ITIH6: variants seen among roughly 807,000 people sequenced by gnomAD.
The protein encoded by ITIH6 is inter-alpha-trypsin inhibitor heavy chain family member 6, also known as inter-alpha-trypsin inhibitor heavy chain H6.
In ITIH6, 60 loss-of-function variants were observed where a neutral mutation model predicts 58.2. The observed-to-expected ratio is 1.03, with a 90% CI of 0.84 to 1.28. ITIH6 has a LOEUF of 1.28. Ranked by LOEUF, ITIH6 falls within the 50% of genes most tolerant of loss-of-function variation. ITIH6 has a pLI of 0.00. For missense variants in ITIH6, 1,290 were observed against 1,021.1 expected, an observed-to-expected ratio of 1.26 and a Z score of -3.59; for synonymous variants, 493 against 417.4, an observed-to-expected ratio of 1.18 and a Z score of -2.21.
intron 5 of ITIH6, among the ~76,000 whole-genome samples, chrX:54,785,758 A>G (rs1199424200): frequency 8.9e-6 from 1 of 111,771 alleles, no homozygotes; most frequent in African/African-American, 3.3e-5. Context: ...ATGCTGGTGC[A>G]GCTCAGTGGA....
Position 54,764,629 on chromosome X carries a change from T to C in ITIH6, c.904-4702A>G, listed in dbSNP as rs1408995841. ...GCTGCATAGTATTCCATGGTGTATA[T>C]GTGCCACATTTTCTTAATCCAGTCT... On this transcript the variant is annotated intron_variant, in intron 6 of 12. Coordinates refer to ENST00000218436, the MANE Select transcript of ITIH6 (RefSeq NM_198510.3). Among the ~76,000 whole-genome samples, 527 of 100,198 alleles carry C rather than the reference T, an allele frequency of 5.3e-3. 1 individual carries two copies. Among genetic ancestry groups the C allele is most frequent in the Middle Eastern group, 9.8e-3 (2 of 205 alleles). The allele number at this position is 100,198 out of a possible 115,157, so 87.0% of individuals were successfully genotyped here.
chrX:54,767,986 T>C (rs200878209), intron 6 of ITIH6, among the ~76,000 whole-genome samples: 1 of 100,164 alleles, frequency 1.0e-5, no homozygotes, highest in Non-Finnish European at 1.9e-5. Context: ...ATGTTGACAG[T>C]GGGGTGTTAA....
intron 11 of ITIH6, among the ~76,000 whole-genome samples, chrX:54,752,006 C>T (rs1219473109): frequency 9.0e-6 from 1 of 110,951 alleles, no homozygotes; most frequent in Non-Finnish European, 1.9e-5. Flanking sequence ...CTTGTATGCC[C>T]GAGTGTGTTG....
At chrX:54,778,726 G>A (rs1257268620) in intron 5 of ITIH6, among the ~76,000 whole-genome samples, 1 of 111,220 alleles carries the variant, frequency 9.0e-6, no homozygotes, top group Admixed American at 9.6e-5. Context: ...TATTCAGAGG[G>A]ATAATAACAG....
rs752854679 is a variant in ITIH6, at chrX:54,775,030, A to G, written c.787-833T>C. ...CTCTCTGACCATTAGGCTGTACACT[A>G]CCTCTTCCCTCTGAAGAGGAAAGAG... On this transcript the variant is annotated intron_variant, in intron 5 of 12. Coordinates refer to ENST00000218436, the MANE Select transcript of ITIH6 (RefSeq NM_198510.3). 5.4e-5 allele frequency among the ~76,000 whole-genome samples: 6 copies of G among 110,978 alleles called. No individual in the cohort carries two copies. The South Asian group carries it at 2.3e-3, about 42-fold the overall frequency.
chrX:54,759,701 G>A (rs1928593932), intron 7 of ITIH6, 55 bp downstream of exon 7: 3 of 1,034,919 alleles, frequency 2.9e-6, no homozygotes, highest in Admixed American at 5.6e-5. Flanking sequence ...AGGGTTTCAG[G>A]AATTTCCCAT....
At chrX:54,754,460 G>A (rs1398152648) in intron 9 of ITIH6, among the ~76,000 whole-genome samples, 4 of 111,922 alleles carry the variant, frequency 3.6e-5, no homozygotes, top group Non-Finnish European at 3.8e-5. Context: ...ACCTAATCAC[G>A]TAAGCCCTTA....
chrX:54,749,814 G>A lies in ITIH6; in HGVS notation c.*81C>T. 1.2e-6 allele frequency: 1 copy of A among 810,948 alleles called. No homozygotes were observed. The highest frequency in any genetic ancestry group is 3.3e-5 in the East Asian group (1 of 30,133). The allele number at this position is 810,948 out of a possible 1,213,427, so 66.8% of individuals were successfully genotyped here. ...CCTGTGTGTGCTTCCATGTCCTTGG[G>A]TCTCTGTCCCTGGCTCACCCCATGC... is the stretch of plus-strand genomic sequence containing the variant. On this transcript the variant is annotated 3_prime_UTR_variant, in exon 13 of 13. Coordinates refer to ENST00000218436, the MANE Select transcript of ITIH6 (RefSeq NM_198510.3).
At chrX:54,775,285 G>C (rs1188823717) in intron 5 of ITIH6, among the ~76,000 whole-genome samples, 1 of 111,383 alleles carries the variant, frequency 9.0e-6, no homozygotes, top group Non-Finnish European at 1.9e-5. Context: ...ATCTTTCCCC[G>C]ATCCCATGCC....
At chrX:54,770,886 G>T (rs1401935659) in intron 6 of ITIH6, among the ~76,000 whole-genome samples, 1 of 111,495 alleles carries the variant, frequency 9.0e-6, no homozygotes, top group Non-Finnish European at 1.9e-5. Context: ...TGCAAAGCAG[G>T]TTTATTGGTG....
intron 2 of ITIH6, among the ~76,000 whole-genome samples, chrX:54,795,552 T>C (rs1193426775): frequency 2.7e-5 from 3 of 111,860 alleles, no homozygotes; most frequent in African/African-American, 6.5e-5. Flanking sequence ...CTCACTCTTC[T>C]ACCACTCTTC....
chrX:54,749,500 A>G lies in ITIH6; in HGVS notation c.*395T>C, dbSNP rs1928306577. 1 of 135,623 alleles carries G rather than the reference A, an allele frequency of 7.4e-6. No individual in the cohort carries two copies. The highest frequency in any genetic ancestry group is 1.5e-5 in the Non-Finnish European group (1 of 68,944). The allele number at this position is 135,623 out of a possible 1,213,427, so 11.2% of individuals were successfully genotyped here. On this transcript the variant is annotated 3_prime_UTR_variant, in exon 13 of 13. Transcript: ENST00000218436. ...GAGTGTTTCATGCAGAAGGAAAAGC[A>G]CATGCAATGGTCCAGTGGTAGGAGT...
chrX:54,796,969 T>G lies in ITIH6; in HGVS notation c.230A>C (p.His77Pro). Residue 77 changes from histidine (H) to proline (P), a missense_variant, in exon 2 of 13, where the codon CAT (histidine) becomes CCT (proline). Transcript: ENST00000218436. ...HEAIFDLDLP[H>P]LAFISNFTMT... is the part of the protein sequence containing the mutation. ...AGTGAAATTGGAGATAAAGGCAAGA[T>G]GAGGCAGATCCAGGTCAAAGATGGC... The G allele has an allele frequency of 2.5e-6, 3 of 1,211,435 alleles. No individual in the cohort carries two copies. The highest frequency in any genetic ancestry group is 2.2e-6 in the Non-Finnish European group (2 of 895,153).
intron 6 of ITIH6, among the ~76,000 whole-genome samples, chrX:54,766,341 C>T (rs1328907636): frequency 5.8e-5 from 5 of 85,975 alleles, no homozygotes; most frequent in Non-Finnish European, 1.1e-4. Context: ...CAAACAGGGA[C>T]AATTTGACTT....
intron 6 of ITIH6, among the ~76,000 whole-genome samples, chrX:54,766,318 A>G (rs1272706246): frequency 2.2e-5 from 2 of 91,384 alleles, no homozygotes; most frequent in Non-Finnish European, 2.1e-5. Flanking sequence ...TAGATAAACA[A>G]TCATGTCGTC....
At chrX:54,795,859 T>C (rs191698746) in intron 2 of ITIH6, among the ~76,000 whole-genome samples, 147 of 111,300 alleles carry the variant, frequency 1.3e-3, no homozygotes, top group Non-Finnish European at 2.1e-3. Flanking sequence ...AGTAATCTGC[T>C]CACTGCTCCC....
chrX:54,750,824 C>T (rs1443055722), intron 12 of ITIH6, among the ~76,000 whole-genome samples, 179 bp downstream of exon 12: 5 of 112,106 alleles, frequency 4.5e-5, no homozygotes, highest in African/African-American at 1.6e-4. Flanking sequence ...CAGCAATGAT[C>T]CCCTCCTGTG....
chrX:54,789,132 T>A (rs1929298619), intron 4 of ITIH6, among the ~76,000 whole-genome samples: 1 of 112,191 alleles, frequency 8.9e-6, no homozygotes, highest in Admixed American at 9.4e-5. Context: ...CTAGCAAGGT[T>A]GTCCTCTGGG....
At position 54,757,198 on chromosome X, in the gene ITIH6, G is replaced by T. The variant is rs759313875; in HGVS notation, c.2876C>A (p.Pro959Gln). The T allele has an allele frequency of 1.8e-5, 22 of 1,203,602 alleles. 1 individual carries two copies. In the South Asian group the frequency reaches 2.7e-4, roughly 15 times the overall value. Reference sequence around the variant, plus strand: ...CATTGTTGGAACTCCTGGCCTAGATGGTCCCAGAACTTGCCTGGTCCTCTG... The same window carrying T: ...CATTGTTGGAACTCCTGGCCTAGATTGTCCCAGAACTTGCCTGGTCCTCTG... The part of the protein sequence containing the change: ...GPQRTRQVLG[P>Q]SRPGVPTMSL... The change falls in exon 8 of 13, where the codon CCA (proline) becomes CAA (glutamine). Residue 959 changes from proline (P) to glutamine (Q), a missense_variant. Coordinates refer to ENST00000218436, the MANE Select transcript of ITIH6 (RefSeq NM_198510.3).
Sources: allele counts gnomAD v4.1 joint callset (sites outside exome capture counted in the v4.1 genomes callset), GRCh38; gene constraint gnomAD v4.1.1; transcripts MANE v1.5; gene names NCBI Gene and HGNC (gene_info 2026-07-23, HGNC 2026-07-21).